Variants in BMPER observed in about 807,000 individuals in gnomAD.
BMPER encodes the protein BMP-binding endothelial regulator protein.
A neutral mutation model predicts 87.3 loss-of-function variants in BMPER; 45 were observed. That is an observed-to-expected ratio of 0.52 (90% CI 0.41 to 0.66). The LOEUF is 0.66. Ranked by LOEUF, BMPER falls within the 30% of genes least tolerant of loss-of-function variation. BMPER has a pLI of 0.00. For missense variants in BMPER, 784 were observed against 867.5 expected (o/e 0.90, Z 1.21); for synonymous variants, 326 against 316.2 (o/e 1.03, Z -0.33).
Position 34,058,173 on chromosome 7 carries a change from G to T in BMPER, c.1032+10G>T. The T allele has an allele frequency of 6.2e-7, 1 of 1,610,638 alleles. No homozygotes were observed. ...CAGTAGCTGCCCACAGGTATGTTTGGAACACAGATTGACTTTACCTTAGCG... is the reference window on the plus strand; with the variant it reads ...CAGTAGCTGCCCACAGGTATGTTTGTAACACAGATTGACTTTACCTTAGCG... On this transcript the variant is annotated intron_variant, in intron 10 of 14. Coordinates refer to ENST00000649409, the MANE Select transcript of BMPER (RefSeq NM_001365308.1).
At chr7:34,118,914 G>A (rs1244432735) in intron 13 of BMPER, among the ~76,000 whole-genome samples, 1 of 151,314 alleles carries the variant, frequency 6.6e-6, no homozygotes, top group Non-Finnish European at 1.5e-5. Context: ...AGCCTGCCAG[G>A]CTACTCTACA....
intron 13 of BMPER, among the ~76,000 whole-genome samples, chr7:34,105,098 G>C (rs1789784981): frequency 6.6e-6 from 1 of 152,212 alleles, no homozygotes; most frequent in South Asian, 2.1e-4. Flanking sequence ...GAGGAGGCAA[G>C]TGATGCTGTA....
At chr7:34,053,953 T>C (rs1351021866) in intron 8 of BMPER, among the ~76,000 whole-genome samples, 1 of 152,208 alleles carries the variant, frequency 6.6e-6, no homozygotes, top group Non-Finnish European at 1.5e-5. Flanking sequence ...CTACCAGCAA[T>C]GTTATTACCA....
intron 13 of BMPER, among the ~76,000 whole-genome samples, chr7:34,115,524 A>C (rs777883421): frequency 6.6e-6 from 1 of 152,220 alleles, no homozygotes; most frequent in Non-Finnish European, 1.5e-5. Flanking sequence ...AGCCCTTGGT[A>C]ACCACTAATC....
intron 13 of BMPER, among the ~76,000 whole-genome samples, chr7:34,104,973 T>C (rs1180976029): frequency 6.6e-6 from 1 of 152,170 alleles, no homozygotes; most frequent in Non-Finnish European, 1.5e-5. Context: ...TGTAGTTTTA[T>C]TTGCTTATTT....
chr7:33,946,832 G>A (rs1341124296), intron 3 of BMPER, among the ~76,000 whole-genome samples: 1 of 152,176 alleles, frequency 6.6e-6, no homozygotes, highest in East Asian at 1.9e-4. Context: ...GTGTGTGCAT[G>A]CATTTGCGTT....
chr7:34,020,765 G>A (rs1787157782), intron 6 of BMPER, among the ~76,000 whole-genome samples: 1 of 151,870 alleles, frequency 6.6e-6, no homozygotes, highest in African/African-American at 2.4e-5. Flanking sequence ...GCACCAGTTA[G>A]TAGTGGACAA....
At position 34,083,992 on chromosome 7, in the gene BMPER, G is replaced by A. The variant is rs141245517; in HGVS notation, c.1409-1764G>A. On this transcript the variant is annotated intron_variant, in intron 12 of 14. Transcript: ENST00000649409. ...AAATGTTTTTGTCAGGATCACAAGA[G>A]GAAAGATTTAAAAAAAAAAAAAAAA... Among the ~76,000 whole-genome samples the A allele has an allele frequency of 6.6e-3, 929 of 140,352 alleles. 9 individuals are homozygous for A. The highest frequency in any genetic ancestry group is 0.023 in the African/African-American group (846 of 36,094). The allele number at this position is 140,352 out of a possible 152,430, so 92.1% of individuals were successfully genotyped here.
chr7:34,088,892 A>G (rs917808001), intron 13 of BMPER, among the ~76,000 whole-genome samples: 1 of 152,110 alleles, frequency 6.6e-6, no homozygotes, highest in Non-Finnish European at 1.5e-5. Context: ...TCTCAAAATC[A>G]ACTGTTTCTC....
intron 11 of BMPER, among the ~76,000 whole-genome samples, chr7:34,065,240 CTCTCTCTCCCT>C (rs1788553015): frequency 6.6e-6 from 1 of 150,474 alleles, no homozygotes; most frequent in Non-Finnish European, 1.5e-5. Context: ...CTCTCTCTCT[CTCTCTCTCCCT>C]CTCTCTCTCT....
chr7:34,036,972 A>G (rs1787691030), intron 6 of BMPER, among the ~76,000 whole-genome samples: 1 of 152,170 alleles, frequency 6.6e-6, no homozygotes. Flanking sequence ...AAGGACTCCA[A>G]GGGGAAGATG....
At chr7:33,932,088 G>T (rs919376979) in intron 2 of BMPER, among the ~76,000 whole-genome samples, 1 of 152,130 alleles carries the variant, frequency 6.6e-6, no homozygotes, top group Non-Finnish European at 1.5e-5. Flanking sequence ...TTGTTTTTCA[G>T]CTTTAGAGCC....
intron 3 of BMPER, among the ~76,000 whole-genome samples, chr7:33,960,348 C>T (rs2128616034): frequency 6.6e-6 from 1 of 152,258 alleles, no homozygotes. Flanking sequence ...ATGTTTATCC[C>T]TTTTGATTAT....
At chr7:33,970,233 T>C in intron 4 of BMPER, 96 bp from the exon 5 acceptor site, 1 of 1,265,584 alleles carries the variant, frequency 7.9e-7, no homozygotes, top group South Asian at 1.2e-5. Flanking sequence ...TTGTGGTTTT[T>C]GTGCTTGAGC....
rs76770484 is a variant in BMPER, at chr7:34,044,292, A to T, written c.577-2014A>T. On this transcript the variant is annotated intron_variant, in intron 6 of 14. Coordinates refer to ENST00000649409, the MANE Select transcript of BMPER (RefSeq NM_001365308.1). The stretch of plus-strand genomic sequence containing the variant: ...GCACTGGATGAGTTACTCTTTTGCA[A>T]TTGTGCAATATTTTTTAAATTTCAA... Among the ~76,000 whole-genome samples the T allele has an allele frequency of 9.8e-3, 1,491 of 152,322 alleles. 18 individuals are homozygous for T. The highest frequency in any genetic ancestry group is 0.035 in the African/African-American group (1,446 of 41,562).
At chr7:33,926,486 G>A (rs1324023333) in intron 2 of BMPER, among the ~76,000 whole-genome samples, 3 of 152,214 alleles carry the variant, frequency 2.0e-5, no homozygotes, top group Non-Finnish European at 4.4e-5. Context: ...ATAATGTTTT[G>A]TGTGTAATTG....
At chr7:34,053,281 G>C (rs1309118017) in intron 8 of BMPER, among the ~76,000 whole-genome samples, 2 of 152,136 alleles carry the variant, frequency 1.3e-5, no homozygotes, top group African/African-American at 4.8e-5. Context: ...GAAAAATCAA[G>C]CTGCAATCAT....
chr7:33,970,222 C>T (rs1785506351), intron 4 of BMPER, 107 bp from the exon 5 acceptor site: 15 of 1,127,284 alleles, frequency 1.3e-5, no homozygotes. Context: ...CCCACCAAAC[C>T]TTGTGGTTTT....
chr7:33,928,450 C>T (rs1784409606), intron 2 of BMPER, among the ~76,000 whole-genome samples: 1 of 151,920 alleles, frequency 6.6e-6, no homozygotes, highest in African/African-American at 2.4e-5. Context: ...TTTTGGGCTA[C>T]TATTTTTATT....
Sources: allele counts gnomAD v4.1 joint callset (sites outside exome capture counted in the v4.1 genomes callset), GRCh38; gene constraint gnomAD v4.1.1; transcripts MANE v1.5; gene names NCBI Gene and HGNC (gene_info 2026-07-23, HGNC 2026-07-21).